The following INPP4B variants were observed in gnomAD, a reference collection of about 807,000 sequenced individuals.
INPP4B encodes the protein inositol polyphosphate-4-phosphatase type II B.
INPP4B carries 55 observed loss-of-function variants against 122.5 expected under a neutral mutation model. That is an observed-to-expected ratio of 0.45 (90% CI 0.36 to 0.56). The LOEUF (loss-of-function observed/expected upper bound fraction) is 0.56, where lower values mean the gene tolerates loss of function less well. Ranked by LOEUF, INPP4B falls within the 20% of genes least tolerant of loss-of-function variation. The pLI is 0.00. For synonymous variants in INPP4B, 403 were observed against 388.7 expected (o/e 1.04, Z -0.43); for missense variants, 1,000 against 1,097.7 (o/e 0.91, Z 1.26).
intron 2 of INPP4B, among the ~76,000 whole-genome samples, chr4:142,512,516 A>G (rs1268485949): frequency 6.6e-6 from 1 of 152,214 alleles, no homozygotes; most frequent in East Asian, 1.9e-4. Context: ...ATCTTCTAAA[A>G]GACCAAGAAA....
At chr4:142,648,157 G>C (rs114912401) in intron 2 of INPP4B, among the ~76,000 whole-genome samples, 1,753 of 152,368 alleles carry the variant, frequency 0.012, 31 homozygotes, top group African/African-American at 0.032. Flanking sequence ...GCAAGGCTAT[G>C]AAACTGCATT....
intron 2 of INPP4B, among the ~76,000 whole-genome samples, chr4:142,695,670 C>T (rs563977306): frequency 6.6e-6 from 1 of 152,088 alleles, no homozygotes; most frequent in Non-Finnish European, 1.5e-5. Flanking sequence ...GGAACCTACC[C>T]AACAGATACG....
chr4:142,747,928 A>G (rs975066563), intron 1 of INPP4B, among the ~76,000 whole-genome samples: 1 of 152,084 alleles, frequency 6.6e-6, no homozygotes, highest in Non-Finnish European at 1.5e-5. Flanking sequence ...GTAGATGACG[A>G]GTTGATAGGG....
chr4:142,750,544 G>A (rs537165644), intron 1 of INPP4B, among the ~76,000 whole-genome samples: 1 of 152,180 alleles, frequency 6.6e-6, no homozygotes, highest in African/African-American at 2.4e-5. Flanking sequence ...AGTTTGTCAT[G>A]ATATGTATGT....
intron 2 of INPP4B, among the ~76,000 whole-genome samples, chr4:142,691,446 A>T (rs1386889141): frequency 1.3e-5 from 2 of 151,950 alleles, no homozygotes; most frequent in African/African-American, 4.8e-5. Context: ...CTCAGCTTGT[A>T]CCTTTAGAAG....
intron 2 of INPP4B, among the ~76,000 whole-genome samples, chr4:142,513,669 A>C (rs1022575156): frequency 1.3e-5 from 2 of 152,120 alleles, no homozygotes; most frequent in Non-Finnish European, 2.9e-5. Context: ...CGGCCTCCCA[A>C]GTGCTGGGAT....
intron 7 of INPP4B, among the ~76,000 whole-genome samples, chr4:142,384,974 T>G (rs1795466441): frequency 6.6e-6 from 1 of 152,248 alleles, no homozygotes; most frequent in African/African-American, 2.4e-5. Context: ...TATTCCATGA[T>G]GCATATGTAC....
At chr4:142,783,392 C>T (rs1775207563) in intron 1 of INPP4B, among the ~76,000 whole-genome samples, 1 of 152,108 alleles carries the variant, frequency 6.6e-6, no homozygotes, top group Admixed American at 6.6e-5. Flanking sequence ...GACATTTATG[C>T]AGCCAAAAAA....
intron 1 of INPP4B, among the ~76,000 whole-genome samples, chr4:142,732,900 G>C (rs1049248558): frequency 2.0e-5 from 3 of 152,058 alleles, no homozygotes; most frequent in African/African-American, 7.2e-5. Flanking sequence ...TTTTTAAATT[G>C]CCAGATATCA....
At chr4:142,394,105 A>C (rs1196826353) in intron 7 of INPP4B, among the ~76,000 whole-genome samples, 1 of 152,094 alleles carries the variant, frequency 6.6e-6, no homozygotes, top group Non-Finnish European at 1.5e-5. Flanking sequence ...TCCCACCAAC[A>C]GTGTTCAAAA....
chr4:142,544,489 A>G (rs1347971320), intron 2 of INPP4B, among the ~76,000 whole-genome samples: 1 of 152,124 alleles, frequency 6.6e-6, no homozygotes, highest in Non-Finnish European at 1.5e-5. Flanking sequence ...TTGCCATCAC[A>G]TGAGACCTTC....
At chr4:142,319,420 C>A (rs773649218) in intron 7 of INPP4B, among the ~76,000 whole-genome samples, 65 of 152,320 alleles carry the variant, frequency 4.3e-4, no homozygotes, top group Non-Finnish European at 7.8e-4. Context: ...TATATCATCA[C>A]ATTTACTTGT....
intron 2 of INPP4B, among the ~76,000 whole-genome samples, chr4:142,686,473 A>C (rs1759365821): frequency 6.6e-6 from 1 of 152,086 alleles, no homozygotes; most frequent in African/African-American, 2.4e-5. Flanking sequence ...TGAAGGCTGG[A>C]GCACAGATGA....
intron 1 of INPP4B, among the ~76,000 whole-genome samples, chr4:142,796,867 GA>G (rs1561079319): frequency 7.8e-6 from 1 of 128,758 alleles, no homozygotes; most frequent in East Asian, 2.5e-4. Flanking sequence ...GCGGAAAACA[GA>G]TGTGTGTGTG....
chr4:142,490,396 T>G (rs1244644833), intron 2 of INPP4B, among the ~76,000 whole-genome samples: 1 of 152,122 alleles, frequency 6.6e-6, no homozygotes, highest in Admixed American at 6.6e-5. Flanking sequence ...ACCACCTGTA[T>G]GCCTGGTCTA....
chr4:142,313,799 A>G (rs1766440239), intron 8 of INPP4B, among the ~76,000 whole-genome samples: 2 of 152,344 alleles, frequency 1.3e-5, no homozygotes, highest in African/African-American at 4.8e-5. Flanking sequence ...AAAGCAAGAC[A>G]TCGCCCTTTT....
chr4:142,634,611 C>T lies in INPP4B; in HGVS notation c.-191+91228G>A, dbSNP rs564024493. 2.2e-4 allele frequency among the ~76,000 whole-genome samples: 34 copies of T among 152,172 alleles called. No individual in the cohort carries two copies. In the South Asian group the frequency reaches 7.1e-3, roughly 32 times the overall value. Reference sequence around the variant, plus strand: ...ATAACTATCTCCATATATATTAAAACATTTAACCAAATTTACCATTTATTC... The same window carrying T: ...ATAACTATCTCCATATATATTAAAATATTTAACCAAATTTACCATTTATTC... On this transcript the variant is annotated intron_variant, in intron 2 of 25. Coordinates refer to ENST00000262992, the MANE Select transcript of INPP4B (RefSeq NM_001101669.3).
intron 11 of INPP4B, among the ~76,000 whole-genome samples, chr4:142,256,443 C>T (rs898423779): frequency 8.2e-4 from 124 of 152,056 alleles, no homozygotes; most frequent in African/African-American, 2.7e-3. Context: ...ATCAACAAAA[C>T]TGATAGACCA....
chr4:142,522,401 TCA>T (rs1474500063), intron 2 of INPP4B, among the ~76,000 whole-genome samples: 2 of 139,628 alleles, frequency 1.4e-5, no homozygotes, highest in African/African-American at 5.4e-5. Flanking sequence ...AAGTGGTTAT[TCA>T]CAGGCATGAT....
Sources: allele counts gnomAD v4.1 joint callset (sites outside exome capture counted in the v4.1 genomes callset), GRCh38; gene constraint gnomAD v4.1.1; transcripts MANE v1.5; gene names NCBI Gene and HGNC (gene_info 2026-07-23, HGNC 2026-07-21).